GPM6A: variants seen among roughly 807,000 people sequenced by gnomAD.
GPM6A encodes glycoprotein M6A.
A neutral mutation model predicts 32.1 loss-of-function variants in GPM6A; 7 were observed. The observed-to-expected ratio is 0.22, with a 90% CI of 0.12 to 0.41. GPM6A has a LOEUF of 0.41. GPM6A is among the 10% of genes least tolerant of loss of function. The pLI is 1.00. For synonymous variants in GPM6A, 130 were observed against 123.4 expected, an observed-to-expected ratio of 1.05 and a Z score of -0.35; for missense variants, 235 against 347.2, an observed-to-expected ratio of 0.68 and a Z score of 2.57.
chr4:175,933,118 C>T (rs1049901409), intron 1 of GPM6A, among the ~76,000 whole-genome samples: 3 of 151,564 alleles, frequency 2.0e-5, no homozygotes, highest in Non-Finnish European at 2.9e-5. Context: ...CAAGCAAATA[C>T]TAATCATAAA....
chr4:175,780,021 A>G lies in GPM6A; in HGVS notation c.37+32170T>C, dbSNP rs926305392. 3.9e-5 allele frequency among the ~76,000 whole-genome samples: 6 copies of G among 152,142 alleles called. No homozygotes were observed. In the East Asian group the frequency reaches 9.7e-4, roughly 24 times the overall value. ...AAAAAATAGTTTAAAGTCAGAAAAA[A>G]TTAGTATTTTAATTCATGTGTTAAC... is the stretch of plus-strand genomic sequence containing the variant. On this transcript the variant is annotated intron_variant, in intron 1 of 6. Coordinates refer to ENST00000393658, the MANE Select transcript of GPM6A (RefSeq NM_201591.3).
intron 1 of GPM6A, among the ~76,000 whole-genome samples, chr4:175,799,640 C>T (rs1470915848): frequency 6.6e-6 from 1 of 150,430 alleles, no homozygotes; most frequent in African/African-American, 2.4e-5. Flanking sequence ...CAAATGACTA[C>T]ATTTGTCACC....
At chr4:175,702,539 G>A (rs1380255816) in intron 1 of GPM6A, among the ~76,000 whole-genome samples, 2 of 152,122 alleles carry the variant, frequency 1.3e-5, no homozygotes, top group Non-Finnish European at 2.9e-5. Flanking sequence ...TATTGAGACA[G>A]AGTCTGGCTC....
chr4:175,748,710 C>A (rs1732201637), intron 1 of GPM6A, among the ~76,000 whole-genome samples: 1 of 152,188 alleles, frequency 6.6e-6, no homozygotes, highest in African/African-American at 2.4e-5. Flanking sequence ...TAGTCCCTAA[C>A]AAGAGAGTCA....
intron 1 of GPM6A, among the ~76,000 whole-genome samples, chr4:175,747,740 T>G (rs1732165444): frequency 6.6e-6 from 1 of 152,198 alleles, no homozygotes; most frequent in Non-Finnish European, 1.5e-5. Flanking sequence ...GGGTGGTGGT[T>G]GCTGAAGGTT....
intron 3 of GPM6A, among the ~76,000 whole-genome samples, chr4:175,672,711 T>G (rs73875125): frequency 0.049 from 7,403 of 152,288 alleles, 208 homozygotes; most frequent in Non-Finnish European, 0.063. Context: ...ATTTTATCTC[T>G]TTGGGTGTTA....
Position 175,669,285 on chromosome 4 carries a change from T to C in GPM6A, c.387+4395A>G, listed in dbSNP as rs184122157. On this transcript the variant is annotated intron_variant, in intron 3 of 6. Coordinates refer to ENST00000393658, the MANE Select transcript of GPM6A (RefSeq NM_201591.3). The stretch of plus-strand genomic sequence containing the variant: ...TTAAAAATACTAATCTAATATGCTG[T>C]GGCCAAATCTACAAACACCTGAGGC... Among the ~76,000 whole-genome samples, 422 of 152,328 alleles carry C rather than the reference T, an allele frequency of 2.8e-3. 6 individuals are homozygous for C. The Middle Eastern group carries it at 0.051, about 18-fold the overall frequency.
chr4:175,704,204 C>T (rs1416626030), intron 1 of GPM6A, among the ~76,000 whole-genome samples: 2 of 152,040 alleles, frequency 1.3e-5, no homozygotes, highest in African/African-American at 2.4e-5. Flanking sequence ...ATCCCATCTG[C>T]CCCAGAGGAG....
intron 1 of GPM6A, among the ~76,000 whole-genome samples, chr4:175,855,449 C>A (rs1402731650): frequency 6.6e-6 from 1 of 151,902 alleles, no homozygotes; most frequent in East Asian, 1.9e-4. Flanking sequence ...AACTGTATTA[C>A]AAATGTATGA....
chr4:175,858,956 G>GA (rs1301871538), intron 1 of GPM6A, among the ~76,000 whole-genome samples: 1 of 151,814 alleles, frequency 6.6e-6, no homozygotes, highest in Non-Finnish European at 1.5e-5. Flanking sequence ...TATGCTGCAA[G>GA]AAAGAAGCAA....
chr4:175,754,569 A>C (rs1169074950), intron 1 of GPM6A, among the ~76,000 whole-genome samples: 1 of 152,176 alleles, frequency 6.6e-6, no homozygotes, highest in Non-Finnish European at 1.5e-5. Context: ...AAAATGCTCA[A>C]TGTTAAACTT....
At chr4:175,663,451 C>T (rs1387030889) in intron 3 of GPM6A, among the ~76,000 whole-genome samples, 1 of 152,070 alleles carries the variant, frequency 6.6e-6, no homozygotes, top group Non-Finnish European at 1.5e-5. Context: ...GTTAAGAGGT[C>T]TATTGTACAA....
intron 1 of GPM6A, among the ~76,000 whole-genome samples, chr4:175,850,656 A>G (rs1486117703): frequency 6.6e-6 from 1 of 151,890 alleles, no homozygotes; most frequent in East Asian, 1.9e-4. Flanking sequence ...ATTTTCTTAG[A>G]CCCCAATATC....
intron 1 of GPM6A, among the ~76,000 whole-genome samples, chr4:175,980,982 T>C (rs1272484641): frequency 2.0e-5 from 3 of 152,224 alleles, no homozygotes; most frequent in Non-Finnish European, 2.9e-5. Flanking sequence ...TTCGACTATG[T>C]CTAACACTTA....
intron 3 of GPM6A, among the ~76,000 whole-genome samples, chr4:175,665,271 C>T (rs1050501147): frequency 6.6e-6 from 1 of 151,866 alleles, no homozygotes; most frequent in Non-Finnish European, 1.5e-5. Flanking sequence ...ATATGTATAG[C>T]ATGCATGTCT....
intron 1 of GPM6A, among the ~76,000 whole-genome samples, chr4:175,865,148 G>T (rs924999391): frequency 5.9e-5 from 9 of 152,232 alleles, no homozygotes; most frequent in East Asian, 1.9e-4. Context: ...TAATGAAAGA[G>T]TACTTTTTTG....
intron 4 of GPM6A, among the ~76,000 whole-genome samples, chr4:175,650,238 G>C (rs11133108): frequency 0.39 from 59,738 of 151,560 alleles, 14,411 homozygotes; most frequent in Non-Finnish European, 0.56. Context: ...AAAGAGGACT[G>C]CTCACTTATT....
chr4:175,742,717 A>T (rs1579449227), intron 1 of GPM6A, among the ~76,000 whole-genome samples: 1 of 152,300 alleles, frequency 6.6e-6, no homozygotes, highest in African/African-American at 2.4e-5. Context: ...AACATACACA[A>T]GAGCAGAAGT....
At chr4:175,847,856 A>C (rs1423368993) in intron 1 of GPM6A, among the ~76,000 whole-genome samples, 1 of 152,164 alleles carries the variant, frequency 6.6e-6, no homozygotes, top group Non-Finnish European at 1.5e-5. Context: ...TAGGATGTAA[A>C]AGCCATTAAA....
Sources: allele counts gnomAD v4.1 joint callset (sites outside exome capture counted in the v4.1 genomes callset), GRCh38; gene constraint gnomAD v4.1.1; transcripts MANE v1.5; gene names NCBI Gene and HGNC (gene_info 2026-07-23, HGNC 2026-07-21).